The following ATG5 variants were observed in gnomAD, a reference collection of about 807,000 sequenced individuals.
The protein encoded by ATG5 is autophagy protein 5.
A neutral mutation model predicts 36.5 loss-of-function variants in ATG5; 14 were observed. The observed-to-expected ratio is 0.38, with a 90% CI of 0.25 to 0.60. The LOEUF is 0.60. Ranked by LOEUF, ATG5 falls within the 20% of genes least tolerant of loss-of-function variation. The pLI is 0.60. For synonymous variants in ATG5, 95 were observed against 101.5 expected (o/e 0.94, Z 0.38); for missense variants, 195 against 326.7 (o/e 0.60, Z 3.11).
Position 106,299,908 on chromosome 6 carries a change from C to T in ATG5, c.237-6802G>A, listed in dbSNP as rs190129804. On this transcript the variant is annotated intron_variant, in intron 3 of 7. Coordinates refer to ENST00000369076, the MANE Select transcript of ATG5 (RefSeq NM_004849.4). Reference sequence around the variant, plus strand: ...TTGCTGCATTCTGATTCACTGGAAACGGGATTACATTTCATTGTAACTGCA... The same window carrying T: ...TTGCTGCATTCTGATTCACTGGAAATGGGATTACATTTCATTGTAACTGCA... Among the ~76,000 whole-genome samples, 209 of 152,288 alleles carry T rather than the reference C, an allele frequency of 1.4e-3. 1 individual carries two copies. The highest frequency in any genetic ancestry group is 4.6e-3 in the African/African-American group (191 of 41,572).
At chr6:106,208,747 G>A (rs1776738055) in intron 6 of ATG5, among the ~76,000 whole-genome samples, 1 of 152,148 alleles carries the variant, frequency 6.6e-6, no homozygotes, top group African/African-American at 2.4e-5. Flanking sequence ...GCCGCAGGCT[G>A]GGAGAAAATA....
rs180678810 is a variant in ATG5, at chr6:106,271,057, T to C, written c.478+8604A>G. Among the ~76,000 whole-genome samples, 491 of 152,330 alleles carry C rather than the reference T, an allele frequency of 3.2e-3. 1 individual carries two copies. Among genetic ancestry groups the C allele is most frequent in the Non-Finnish European group, 4.1e-3 (276 of 68,024 alleles). On this transcript the variant is annotated intron_variant, in intron 5 of 7. Coordinates refer to ENST00000369076, the MANE Select transcript of ATG5 (RefSeq NM_004849.4). ...TCCATTCTACATTGAACAGCTCTTA[T>C]ATCATATTCTACATCTCATCACTCC...
chr6:106,285,557 C>T lies in ATG5; in HGVS notation c.316-5734G>A, dbSNP rs1170225826. Among the ~76,000 whole-genome samples, 3 of 152,136 alleles carry T rather than the reference C, an allele frequency of 2.0e-5. No homozygotes were observed. In the East Asian group the frequency reaches 5.8e-4, roughly 29 times the overall value. The stretch of plus-strand genomic sequence containing the variant: ...TCCTAAAAAGGCAGGTCCAGAGCAA[C>T]TCTTACTCTAGGGTTAAAGACTGGC... On this transcript the variant is annotated intron_variant, in intron 4 of 7. Transcript: ENST00000369076.
At chr6:106,298,616 C>A (rs148260931) in intron 3 of ATG5, among the ~76,000 whole-genome samples, 8 of 151,950 alleles carry the variant, frequency 5.3e-5, no homozygotes, top group Non-Finnish European at 1.0e-4. Flanking sequence ...GAATAATCAT[C>A]CTGTTATGAT....
intron 5 of ATG5, among the ~76,000 whole-genome samples, chr6:106,267,735 G>A (rs1014308648): frequency 1.3e-5 from 2 of 152,096 alleles, no homozygotes; most frequent in African/African-American, 4.8e-5. Flanking sequence ...AACAAGCAAT[G>A]GGGAAAGGAT....
At chr6:106,291,860 A>G (rs1780320758) in intron 4 of ATG5, among the ~76,000 whole-genome samples, 1 of 152,224 alleles carries the variant, frequency 6.6e-6, no homozygotes, top group Admixed American at 6.5e-5. Flanking sequence ...GTTCTTTGGT[A>G]ACTAACGTGT....
chr6:106,200,597 C>G (rs1776387202), intron 7 of ATG5, among the ~76,000 whole-genome samples: 1 of 151,942 alleles, frequency 6.6e-6, no homozygotes, highest in African/African-American at 2.4e-5. Context: ...ACCTCAGCCT[C>G]CCAAGTAGCT....
At chr6:106,306,488 C>A (rs1770450979) in intron 3 of ATG5, among the ~76,000 whole-genome samples, 1 of 152,158 alleles carries the variant, frequency 6.6e-6, no homozygotes. Flanking sequence ...GTGCTACTGG[C>A]ACTTGTAGGA....
intron 5 of ATG5, among the ~76,000 whole-genome samples, chr6:106,275,287 C>A (rs1779597709): frequency 6.6e-6 from 1 of 152,128 alleles, no homozygotes; most frequent in Non-Finnish European, 1.5e-5. Context: ...GCAACATTTA[C>A]CAAGCTAAAG....
At chr6:106,276,477 A>AAAAG (rs1348832241) in intron 5 of ATG5, among the ~76,000 whole-genome samples, 4 of 151,844 alleles carry the variant, frequency 2.6e-5, no homozygotes, top group Admixed American at 6.6e-5. Flanking sequence ...AAAAAAAAAA[A>AAAAG]AAAGAAACTG....
intron 5 of ATG5, among the ~76,000 whole-genome samples, chr6:106,249,156 C>T (rs1476252629): frequency 2.0e-5 from 3 of 152,142 alleles, no homozygotes; most frequent in Middle Eastern, 3.4e-3. Context: ...ATAAAATTCA[C>T]CCCTTTTAAA....
At chr6:106,322,706 G>A (rs1472308006) in intron 1 of ATG5, among the ~76,000 whole-genome samples, 1 of 152,128 alleles carries the variant, frequency 6.6e-6, no homozygotes, top group East Asian at 1.9e-4. Flanking sequence ...AATGCCCCAG[G>A]ACTCAGTCCT....
chr6:106,189,059 T>C (rs1282611009), intron 7 of ATG5, among the ~76,000 whole-genome samples: 1 of 152,158 alleles, frequency 6.6e-6, no homozygotes. Flanking sequence ...AGTAATTAGA[T>C]AATAAATATT....
chr6:106,186,447 G>A lies in ATG5; in HGVS notation c.*93C>T. 6.9e-7 allele frequency: 1 copy of A among 1,455,408 alleles called. No individual in the cohort carries two copies. Among genetic ancestry groups the A allele is most frequent in the Admixed American group, 1.8e-5 (1 of 54,836 alleles). The allele number at this position is 1,455,408 out of a possible 1,614,324, so 90.2% of individuals were successfully genotyped here. A position where few individuals can be genotyped will look rare whatever the true frequency, so the allele number is the denominator to read the frequency against. On this transcript the variant is annotated 3_prime_UTR_variant, in exon 8 of 8. Coordinates refer to ENST00000369076, the MANE Select transcript of ATG5 (RefSeq NM_004849.4). ...GCAGCAGCGAAGTGTTTCTGGTCAG[G>A]TTGCCTCCACCAAACCTGATTGAAG...
At chr6:106,257,877 A>C (rs1042628355) in intron 5 of ATG5, among the ~76,000 whole-genome samples, 6 of 152,192 alleles carry the variant, frequency 3.9e-5, no homozygotes, top group Admixed American at 6.6e-5. Flanking sequence ...TGCTCAAACA[A>C]GTTTTTATTT....
intron 5 of ATG5, among the ~76,000 whole-genome samples, chr6:106,250,177 AT>A (rs34843857): frequency 0.15 from 22,813 of 152,074 alleles, 2,053 homozygotes; most frequent in Non-Finnish European, 0.19. Flanking sequence ...TCAGCTTGGT[AT>A]TTTTCTATTA....
At chr6:106,230,679 G>A (rs1200867389) in intron 6 of ATG5, among the ~76,000 whole-genome samples, 1 of 151,922 alleles carries the variant, frequency 6.6e-6, no homozygotes, top group African/African-American at 2.4e-5. Context: ...TTCCCCTCAA[G>A]GCAAAAACAC....
At chr6:106,279,481 A>AG (rs3840138) in intron 5 of ATG5, among the ~76,000 whole-genome samples, 180 bp downstream of exon 5, 64,661 of 152,022 alleles carry the variant, frequency 0.43, 14,123 homozygotes, top group Admixed American at 0.52. Flanking sequence ...CCATGAACAG[A>AG]GGACACCAAA....
chr6:106,201,454 T>G (rs1484405137), intron 7 of ATG5, among the ~76,000 whole-genome samples: 1 of 152,212 alleles, frequency 6.6e-6, no homozygotes, highest in African/African-American at 2.4e-5. Context: ...AGCCTTAACC[T>G]AAGTTACAAA....
Sources: gnomAD v4.1 joint callset for allele counts (sites outside exome capture counted in the v4.1 genomes callset) on GRCh38, gnomAD v4.1.1 for gene constraint, MANE v1.5 for transcripts, NCBI Gene and HGNC (gene_info 2026-07-23, HGNC 2026-07-21) for gene names.